Variants in CNTNAP2 observed in about 807,000 individuals in gnomAD.
CNTNAP2 encodes contactin associated protein 2.
A neutral mutation model predicts 155.2 loss-of-function variants in CNTNAP2; 98 were observed. That is an observed-to-expected ratio of 0.63 (90% CI 0.54 to 0.75). The LOEUF (loss-of-function observed/expected upper bound fraction) is 0.75, where lower values mean the gene tolerates loss of function less well. Ranked by LOEUF, CNTNAP2 falls within the 30% of genes least tolerant of loss-of-function variation. CNTNAP2 has a pLI of 0.00. For missense variants in CNTNAP2, 1,727 were observed against 1,688.1 expected (o/e 1.02, Z -0.40); for synonymous variants, 651 against 631.2 (o/e 1.03, Z -0.47).
At chr7:147,413,549 C>T (rs757297453) in intron 10 of CNTNAP2, among the ~76,000 whole-genome samples, 3 of 151,856 alleles carry the variant, frequency 2.0e-5, no homozygotes, top group Non-Finnish European at 4.4e-5. Flanking sequence ...GGCAGGTGAG[C>T]GTGGGGTGCA....
intron 3 of CNTNAP2, among the ~76,000 whole-genome samples, chr7:146,925,638 G>A (rs988574092): frequency 6.6e-6 from 1 of 152,118 alleles, no homozygotes; most frequent in East Asian, 1.9e-4. Context: ...TATGTAGTAT[G>A]TCACAAGGAA....
At position 146,690,557 on chromosome 7, in the gene CNTNAP2, A is replaced by C. The variant is rs577496433; in HGVS notation, c.98-83714A>C. Among the ~76,000 whole-genome samples the C allele has an allele frequency of 1.6e-3, 248 of 152,298 alleles. 2 individuals are homozygous for C. Among genetic ancestry groups the C allele is most frequent in the African/African-American group, 5.5e-3 (230 of 41,578 alleles). On this transcript the variant is annotated intron_variant, in intron 1 of 23. Coordinates refer to ENST00000361727, the MANE Select transcript of CNTNAP2 (RefSeq NM_014141.6). ...TTTAAATAAATGTTTTGTATATGTGAAAACTCTTTAATGGCCTCATTTGCA... is the reference window on the plus strand; with the variant it reads ...TTTAAATAAATGTTTTGTATATGTGCAAACTCTTTAATGGCCTCATTTGCA...
At chr7:147,345,880 A>G (rs1378457694) in intron 9 of CNTNAP2, among the ~76,000 whole-genome samples, 1 of 152,216 alleles carries the variant, frequency 6.6e-6, no homozygotes, top group Non-Finnish European at 1.5e-5. Context: ...GCAAGGAACT[A>G]GAATCTAACC....
chr7:147,618,519 G>A (rs2116888449), intron 12 of CNTNAP2, among the ~76,000 whole-genome samples: 1 of 151,654 alleles, frequency 6.6e-6, no homozygotes, highest in Admixed American at 6.6e-5. Flanking sequence ...AGGTGTATAG[G>A]ACACATATAA....
At chr7:147,818,793 C>A (rs1798316835) in intron 13 of CNTNAP2, among the ~76,000 whole-genome samples, 2 of 152,034 alleles carry the variant, frequency 1.3e-5, no homozygotes, top group Non-Finnish European at 2.9e-5. Flanking sequence ...AAGAAATTAA[C>A]AAAATGGCTT....
chr7:147,866,793 T>C (rs1470749685), intron 13 of CNTNAP2, among the ~76,000 whole-genome samples: 1 of 151,934 alleles, frequency 6.6e-6, no homozygotes, highest in Non-Finnish European at 1.5e-5. Flanking sequence ...TTGCTTTCCA[T>C]TTGCTTGGTA....
At chr7:147,978,131 T>C (rs1351311679) in intron 15 of CNTNAP2, 142 bp downstream of exon 15, 17 of 1,188,838 alleles carry the variant, frequency 1.4e-5, no homozygotes, top group African/African-American at 3.0e-5. Flanking sequence ...AGAGATAACT[T>C]AGAGGAGGGG....
chr7:146,873,352 A>G (rs1302153193), intron 3 of CNTNAP2, among the ~76,000 whole-genome samples: 3 of 152,190 alleles, frequency 2.0e-5, no homozygotes, highest in African/African-American at 7.2e-5. Context: ...TTGTACTGAC[A>G]GTTTGTATTT....
intron 15 of CNTNAP2, among the ~76,000 whole-genome samples, chr7:148,016,750 G>A (rs1246141793): frequency 6.6e-6 from 1 of 152,182 alleles, no homozygotes; most frequent in Non-Finnish European, 1.5e-5. Flanking sequence ...TGTCAAGGAG[G>A]AAGGTATATA....
At chr7:148,070,171 G>C (rs1377663806) in intron 15 of CNTNAP2, among the ~76,000 whole-genome samples, 1 of 152,182 alleles carries the variant, frequency 6.6e-6, no homozygotes, top group Non-Finnish European at 1.5e-5. Context: ...CATAATAAAA[G>C]TGAATTGTAG....
intron 13 of CNTNAP2, among the ~76,000 whole-genome samples, chr7:147,651,562 G>A (rs1795451266): frequency 6.6e-6 from 1 of 152,142 alleles, no homozygotes; most frequent in Admixed American, 6.5e-5. Flanking sequence ...GCCTCTCTAG[G>A]TCAGCATAGT....
intron 14 of CNTNAP2, among the ~76,000 whole-genome samples, chr7:147,934,524 C>G (rs556242475): frequency 6.6e-6 from 1 of 152,196 alleles, no homozygotes; most frequent in Non-Finnish European, 1.5e-5. Flanking sequence ...TATGGGAATT[C>G]AAGATGAGAT....
intron 3 of CNTNAP2, among the ~76,000 whole-genome samples, chr7:147,043,658 A>C (rs1427244037): frequency 6.6e-6 from 1 of 152,238 alleles, no homozygotes; most frequent in East Asian, 1.9e-4. Context: ...GATGCCATTT[A>C]GTCTTTCATT....
chr7:146,502,997 T>C (rs754035979), intron 1 of CNTNAP2, among the ~76,000 whole-genome samples: 7 of 152,218 alleles, frequency 4.6e-5, no homozygotes, highest in East Asian at 1.9e-4. Flanking sequence ...TATTTGTATG[T>C]CTTCTTTTGA....
chr7:147,155,319 C>G (rs1423787686), intron 8 of CNTNAP2, among the ~76,000 whole-genome samples: 1 of 152,160 alleles, frequency 6.6e-6, no homozygotes, highest in Non-Finnish European at 1.5e-5. Flanking sequence ...CTGGACTTCT[C>G]AACCTTCCTA....
chr7:147,836,403 C>T (rs962717618), intron 13 of CNTNAP2, among the ~76,000 whole-genome samples: 7 of 151,992 alleles, frequency 4.6e-5, no homozygotes, highest in Non-Finnish European at 8.8e-5. Context: ...CATGCTAGGA[C>T]CCTTCTCACC....
At chr7:147,799,392 G>T (rs979949309) in intron 13 of CNTNAP2, among the ~76,000 whole-genome samples, 1 of 152,152 alleles carries the variant, frequency 6.6e-6, no homozygotes, top group East Asian at 1.9e-4. Flanking sequence ...CATTTGTCAT[G>T]CAGGGAGGTA....
intron 8 of CNTNAP2, among the ~76,000 whole-genome samples, chr7:147,214,671 A>T (rs974074419): frequency 1.3e-5 from 2 of 152,158 alleles, no homozygotes; most frequent in African/African-American, 2.4e-5. Flanking sequence ...TAAAGATTTG[A>T]TACTTTTAGA....
intron 14 of CNTNAP2, among the ~76,000 whole-genome samples, chr7:147,964,276 A>C (rs528742070): frequency 6.6e-6 from 1 of 152,154 alleles, no homozygotes; most frequent in African/African-American, 2.4e-5. Context: ...AACTACCAGA[A>C]TATAAATGTC....
Sources: allele counts gnomAD v4.1 joint callset (sites outside exome capture counted in the v4.1 genomes callset), GRCh38; gene constraint gnomAD v4.1.1; transcripts MANE v1.5; gene names NCBI Gene and HGNC (gene_info 2026-07-23, HGNC 2026-07-21).